Variants in CTNNA3 observed in about 807,000 individuals in gnomAD.
The protein encoded by CTNNA3 is catenin alpha-3.
CTNNA3 carries 76 observed loss-of-function variants against 95.7 expected under a neutral mutation model. The ratio of observed to expected loss-of-function variants is 0.79; its 90% confidence interval spans 0.66 to 0.96. The LOEUF (loss-of-function observed/expected upper bound fraction) is 0.96, where lower values mean the gene tolerates loss of function less well. CTNNA3 is among the 40% of genes least tolerant of loss of function. The pLI, the probability that CTNNA3 is intolerant of heterozygous loss-of-function variation, is 0.00. For synonymous variants in CTNNA3, 431 were observed against 374.4 expected (o/e 1.15, Z -1.74); for missense variants, 1,191 against 1,089.8 (o/e 1.09, Z -1.31).
At chr10:66,159,550 C>T (rs536075169) in intron 13 of CTNNA3, among the ~76,000 whole-genome samples, 2 of 150,170 alleles carry the variant, frequency 1.3e-5, no homozygotes, top group African/African-American at 4.9e-5. Context: ...TTGTTGGGTT[C>T]GGTTAGCTAG....
chr10:65,954,766 A>T (rs1203413517), intron 17 of CTNNA3, among the ~76,000 whole-genome samples: 27 of 152,312 alleles, frequency 1.8e-4, no homozygotes, highest in East Asian at 1.9e-4. Context: ...TGGTACCAGT[A>T]CCATGCTGTT....
At chr10:67,218,990 A>T (rs996884645) in intron 6 of CTNNA3, among the ~76,000 whole-genome samples, 2 of 152,200 alleles carry the variant, frequency 1.3e-5, no homozygotes, top group African/African-American at 2.4e-5. Context: ...TTGGTTCTCC[A>T]ACCTTAGCTC....
chr10:67,365,213 C>CA (rs71006147), intron 5 of CTNNA3, among the ~76,000 whole-genome samples: 109,030 of 152,074 alleles, frequency 0.72, 43,167 homozygotes, highest in Non-Finnish European at 0.88. Flanking sequence ...ATATCTTATA[C>CA]AAAAAATAAC....
chr10:66,863,463 G>A (rs148540109), intron 7 of CTNNA3, among the ~76,000 whole-genome samples: 14 of 152,206 alleles, frequency 9.2e-5, no homozygotes, highest in African/African-American at 2.9e-4. Flanking sequence ...TAGGGAGGTA[G>A]TGGTAGATGT....
chr10:66,789,812 C>G (rs907426787), intron 7 of CTNNA3, among the ~76,000 whole-genome samples: 1 of 152,144 alleles, frequency 6.6e-6, no homozygotes, highest in African/African-American at 2.4e-5. Context: ...TGAGCACCAG[C>G]ACTCCCCTGC....
intron 10 of CTNNA3, among the ~76,000 whole-genome samples, chr10:66,565,762 A>T (rs1267671379): frequency 1.3e-5 from 2 of 152,136 alleles, no homozygotes; most frequent in African/African-American, 2.4e-5. Flanking sequence ...CCGAGCTCTG[A>T]GCTCCTTCCT....
intron 7 of CTNNA3, among the ~76,000 whole-genome samples, chr10:67,026,872 T>A (rs892319157): frequency 6.6e-6 from 1 of 152,332 alleles, no homozygotes; most frequent in East Asian, 1.9e-4. Context: ...TTTCCTCATA[T>A]ATCTCCTTAA....
intron 9 of CTNNA3, among the ~76,000 whole-genome samples, chr10:66,734,723 C>T (rs891091171): frequency 8.6e-5 from 13 of 151,754 alleles, no homozygotes; most frequent in Non-Finnish European, 2.9e-5. Context: ...ATTAGCCGGG[C>T]GTGGTGGCAG....
chr10:66,848,033 G>A (rs1428373660), intron 7 of CTNNA3, among the ~76,000 whole-genome samples: 1 of 152,122 alleles, frequency 6.6e-6, no homozygotes, highest in Admixed American at 6.6e-5. Flanking sequence ...TGTGTAGGAT[G>A]AACATGCTAT....
At chr10:66,035,368 T>A (rs2079538506) in intron 15 of CTNNA3, among the ~76,000 whole-genome samples, 1 of 152,098 alleles carries the variant, frequency 6.6e-6, no homozygotes, top group East Asian at 1.9e-4. Flanking sequence ...TTTGGCAGCC[T>A]AAGAATTTAG....
At position 66,966,176 on chromosome 10, in the gene CTNNA3, T is replaced by C. The variant is rs541502764; in HGVS notation, c.1048-190652A>G. On this transcript the variant is annotated intron_variant, in intron 7 of 17. Coordinates refer to ENST00000433211, the MANE Select transcript of CTNNA3 (RefSeq NM_013266.4). The stretch of plus-strand genomic sequence containing the variant: ...GCTTCTGACAGAAGACCTCAATAAA[T>C]GTTACATATTTTAACCATCAGCATT... 1.3e-3 allele frequency among the ~76,000 whole-genome samples: 200 copies of C among 152,304 alleles called. 2 individuals carry two copies. The highest frequency in any genetic ancestry group is 4.4e-3 in the African/African-American group (181 of 41,572).
At chr10:66,293,007 C>A (rs2091711521) in intron 12 of CTNNA3, among the ~76,000 whole-genome samples, 1 of 152,094 alleles carries the variant, frequency 6.6e-6, no homozygotes, top group Non-Finnish European at 1.5e-5. Flanking sequence ...TTTTCTTTTA[C>A]TGCAGGAAGA....
intron 7 of CTNNA3, among the ~76,000 whole-genome samples, chr10:67,129,235 T>A (rs951561189): frequency 6.6e-6 from 1 of 152,218 alleles, no homozygotes; most frequent in Non-Finnish European, 1.5e-5. Context: ...AGTGGAACCA[T>A]GTTCATTAAA....
intron 7 of CTNNA3, among the ~76,000 whole-genome samples, chr10:66,822,812 A>C (rs1472430162): frequency 2.0e-5 from 3 of 152,212 alleles, no homozygotes; most frequent in Admixed American, 6.5e-5. Flanking sequence ...TGAAACTGCT[A>C]CTTTGGCTGG....
intron 7 of CTNNA3, among the ~76,000 whole-genome samples, chr10:67,127,489 G>C (rs138893219): frequency 2.0e-5 from 3 of 152,026 alleles, no homozygotes; most frequent in African/African-American, 7.3e-5. Flanking sequence ...CACTGACCTC[G>C]CATTAAGATG....
At chr10:67,519,111 T>C (rs935389392) in intron 5 of CTNNA3, among the ~76,000 whole-genome samples, 2 of 152,122 alleles carry the variant, frequency 1.3e-5, no homozygotes, top group African/African-American at 4.8e-5. Context: ...GTGCAGGCAC[T>C]CACTCTTTTA....
chr10:67,545,344 C>G (rs1383423215), intron 3 of CTNNA3, among the ~76,000 whole-genome samples: 1 of 152,060 alleles, frequency 6.6e-6, no homozygotes, highest in Non-Finnish European at 1.5e-5. Flanking sequence ...ATGGTATCTC[C>G]TTTCCGGTAT....
chr10:67,529,711 T>G (rs1304511190), intron 4 of CTNNA3, among the ~76,000 whole-genome samples: 1 of 151,974 alleles, frequency 6.6e-6, no homozygotes, highest in Non-Finnish European at 1.5e-5. Flanking sequence ...AAAAAAAAAT[T>G]TCTTCTTCCC....
intron 6 of CTNNA3, among the ~76,000 whole-genome samples, chr10:67,208,181 G>C (rs1339452327): frequency 6.6e-6 from 1 of 151,908 alleles, no homozygotes; most frequent in African/African-American, 2.4e-5. Context: ...GACCAGCCTG[G>C]CCAAGATGGT....
Sources: gnomAD v4.1 joint callset for allele counts (sites outside exome capture counted in the v4.1 genomes callset) on GRCh38, gnomAD v4.1.1 for gene constraint, MANE v1.5 for transcripts, NCBI Gene and HGNC (gene_info 2026-07-23, HGNC 2026-07-21) for gene names.